The following TPM4 variants were observed in gnomAD, a reference collection of about 807,000 sequenced individuals.
The protein encoded by TPM4 is tropomyosin alpha-4 chain.
Under a neutral mutation model 35.8 loss-of-function variants are expected in TPM4, and 17 were observed. The ratio of observed to expected loss-of-function variants is 0.47; its 90% CI spans 0.32 to 0.71. The LOEUF (loss-of-function observed/expected upper bound fraction) is 0.71. TPM4 is among the 30% of genes least tolerant of loss of function. The probability of loss-of-function intolerance (pLI) is 0.03; values close to 1 mark genes in which losing one functional copy is unlikely to be tolerated. For missense variants in TPM4, 240 were observed against 320.9 expected, an observed-to-expected ratio of 0.75 and a Z score of 1.93; for synonymous variants, 120 against 122.9, an observed-to-expected ratio of 0.98 and a Z score of 0.15.
At chr19:16,099,683 T>C (rs2090742299) in intron 7 of TPM4, 1 of 152,192 alleles carries the variant, frequency 6.6e-6, no homozygotes, top group Admixed American at 6.6e-5. Context: ...GCATTTTGCT[T>C]TCCCCCAGCA....
In TPM4 at chr19:16,102,858, A is replaced by G. The variant is rs1157744055; in HGVS notation, c.*1512A>G. On this transcript the variant is annotated 3_prime_UTR_variant, in exon 8 of 8. Transcript: ENST00000643579. ...CACCCCACCCCACCACCCTACTCCTATTTATTCAGCACCACACTACCCAGG... is the reference window on the plus strand; with the variant it reads ...CACCCCACCCCACCACCCTACTCCTGTTTATTCAGCACCACACTACCCAGG... 9.5e-6 allele frequency: 2 copies of G among 210,564 alleles called. No individual in the cohort carries two copies. The highest frequency in any genetic ancestry group is 2.6e-5 in the African/African-American group (1 of 37,814). The allele number at this position is 210,564 out of a possible 1,614,324, so 13.0% of individuals were successfully genotyped here.
intron 5 of TPM4, among the ~76,000 whole-genome samples, chr19:16,090,565 C>T (rs1055022155): frequency 6.6e-6 from 1 of 152,096 alleles, no homozygotes; most frequent in Admixed American, 6.6e-5. Flanking sequence ...CCTGTTCATC[C>T]TTTGAGCTTC....
chr19:16,078,952 A>G (rs1200715417), intron 1 of TPM4, among the ~76,000 whole-genome samples: 3 of 152,012 alleles, frequency 2.0e-5, no homozygotes, highest in Non-Finnish European at 2.9e-5. Flanking sequence ...ATTAACTGAC[A>G]TCTTCCTGTT....
At chr19:16,088,708 C>T (rs1599377107) in intron 4 of TPM4, 33 of 1,083,382 alleles carry the variant, frequency 3.0e-5, no homozygotes, top group Non-Finnish European at 3.7e-5. Context: ...GCCTTCTGCC[C>T]TCAGTCCCAT....
chr19:16,082,934 G>T (rs969082040), intron 2 of TPM4, among the ~76,000 whole-genome samples: 7 of 145,842 alleles, frequency 4.8e-5, no homozygotes, highest in South Asian at 4.4e-4. Context: ...TGAAGCTGCA[G>T]TGAGGCAAGA....
intron 5 of TPM4, among the ~76,000 whole-genome samples, chr19:16,090,220 A>G (rs1303031725): frequency 1.3e-5 from 2 of 151,662 alleles, no homozygotes; most frequent in African/African-American, 4.9e-5. Context: ...GGGCTTAAAT[A>G]ATCCTATCAC....
intron 4 of TPM4, chr19:16,088,695 C>T: frequency 1.9e-6 from 2 of 1,065,186 alleles, no homozygotes; most frequent in Admixed American, 4.9e-5. Flanking sequence ...TTGCTCTCTG[C>T]CCGCCTTCTG....
intron 2 of TPM4, among the ~76,000 whole-genome samples, chr19:16,083,055 A>T (rs2090504397): frequency 6.6e-6 from 1 of 151,350 alleles, no homozygotes; most frequent in Admixed American, 6.6e-5. Context: ...CTTGGGATGC[A>T]CAGGTGATTG....
chr19:16,082,710 G>A (rs2090498200), intron 2 of TPM4, among the ~76,000 whole-genome samples: 2 of 152,112 alleles, frequency 1.3e-5, no homozygotes, highest in Admixed American at 1.3e-4. Context: ...ATTTCAGGTA[G>A]GCCGGATGCA....
At chr19:16,069,172 G>GT (rs1235701188) in intron 2 of TPM4, among the ~76,000 whole-genome samples, 8 of 152,208 alleles carry the variant, frequency 5.3e-5, no homozygotes, top group Non-Finnish European at 1.0e-4. Flanking sequence ...ATGTTTGGAT[G>GT]TGTGTTTCTG....
chr19:16,085,630 A>C (rs2090541486), intron 2 of TPM4, among the ~76,000 whole-genome samples: 1 of 152,212 alleles, frequency 6.6e-6, no homozygotes, highest in Non-Finnish European at 1.5e-5. Flanking sequence ...GCTGAGCCTC[A>C]GCTCTACCAC....
chr19:16,077,287 TG>T (rs112634555), intron 1 of TPM4: 6 of 143,492 alleles, frequency 4.2e-5, no homozygotes, highest in Non-Finnish European at 7.6e-5. Flanking sequence ...GCGGGGGGGA[TG>T]GGGGGTGGAG....
chr19:16,068,511 C>T (rs986565018), intron 2 of TPM4, among the ~76,000 whole-genome samples: 12 of 151,648 alleles, frequency 7.9e-5, no homozygotes, highest in South Asian at 2.1e-4. Context: ...TGTGTGTGTG[C>T]GTGAGCATTT....
chr19:16,070,286 C>T lies in TPM4; in HGVS notation c.114+2548C>T, dbSNP rs1361467214. Among the ~76,000 whole-genome samples the T allele has an allele frequency of 5.9e-5, 9 of 152,068 alleles. No individual in the cohort carries two copies. Among genetic ancestry groups the T allele is most frequent in the African/African-American group, 1.4e-4 (6 of 41,384 alleles). ...TGAGAATGCATTGGAGTTCCAAGGC[C>T]GTGGCCATGGTTTGGGGCAGAGCAG... On this transcript the variant is annotated intron_variant, in intron 2 of 2. Transcript: ENST00000589897. The surrounding 1 kb of genome is among the most constrained non-coding windows in gnomAD (Gnocchi z 7.4).
intron 1 of TPM4, among the ~76,000 whole-genome samples, chr19:16,078,657 T>A (rs1467217276): frequency 6.6e-6 from 1 of 152,168 alleles, no homozygotes; most frequent in Non-Finnish European, 1.5e-5. Flanking sequence ...GCCCTCAGCC[T>A]GGAGCCAAGA....
intron 5 of TPM4, among the ~76,000 whole-genome samples, chr19:16,091,041 T>C: frequency 6.6e-6 from 1 of 152,040 alleles, no homozygotes; most frequent in East Asian, 1.9e-4. Flanking sequence ...ACACCACTAA[T>C]ACCTCAGCTG....
upstream of TPM4, among the ~76,000 whole-genome samples, chr19:16,073,264 T>C (rs139792626): frequency 5.5e-4 from 84 of 152,314 alleles, no homozygotes; most frequent in African/African-American, 1.9e-3. Context: ...CTCTCACTCT[T>C]CCTACATGTT....
chr19:16,091,053 T>A (rs1190162014), intron 5 of TPM4, among the ~76,000 whole-genome samples: 3 of 152,010 alleles, frequency 2.0e-5, no homozygotes, highest in Non-Finnish European at 4.4e-5. Context: ...CCTCAGCTGC[T>A]TTGTTTTGTT....
intron 2 of TPM4, among the ~76,000 whole-genome samples, chr19:16,069,140 G>A (rs1406389006): frequency 2.0e-5 from 3 of 152,176 alleles, no homozygotes; most frequent in African/African-American, 2.4e-5. Context: ...TTCTGATGGC[G>A]TGTGTGTGTG....
Sources: allele counts gnomAD v4.1 joint callset (sites outside exome capture counted in the v4.1 genomes callset), GRCh38; gene constraint gnomAD v4.1.1; non-coding constraint Gnocchi (gnomAD v3.1); transcripts MANE v1.5; gene names NCBI Gene and HGNC (gene_info 2026-07-23, HGNC 2026-07-21).